The following KAZN variants were observed in gnomAD, a reference collection of about 807,000 sequenced individuals.
The protein encoded by KAZN is kazrin, periplakin interacting protein.
A neutral mutation model predicts 87.4 loss-of-function variants in KAZN; 40 were observed. The ratio of observed to expected loss-of-function variants is 0.46; its 90% CI spans 0.36 to 0.60. The LOEUF is 0.60. Among genes scored for constraint, KAZN ranks in the 20% least tolerant of loss-of-function variants. The pLI is 0.00. For missense variants in KAZN, 898 were observed against 1,073.9 expected, an observed-to-expected ratio of 0.84 and a Z score of 2.29; for synonymous variants, 466 against 458.3, an observed-to-expected ratio of 1.02 and a Z score of -0.22.
intron 1 of KAZN, among the ~76,000 whole-genome samples, chr1:14,646,915 C>A (rs1680850953): frequency 6.6e-6 from 1 of 152,132 alleles, no homozygotes; most frequent in Admixed American, 6.6e-5. Flanking sequence ...GGACAGGGTT[C>A]CCCAGGGCAT....
chr1:14,591,178 C>T (rs531577422), intron 2 of KAZN, among the ~76,000 whole-genome samples: 3 of 152,000 alleles, frequency 2.0e-5, no homozygotes, highest in South Asian at 2.1e-4. Flanking sequence ...AGTGCCCCCC[C>T]CCCATGGACA....
chr1:15,041,331 C>CTTTT, intron 3 of KAZN, among the ~76,000 whole-genome samples: 1 of 114,136 alleles, frequency 8.8e-6, no homozygotes, highest in Non-Finnish European at 1.7e-5. Context: ...CATTTTTTTT[C>CTTTT]TTTTTTTTTT....
rs113525253 is a variant in KAZN at position 14,410,283 on chromosome 1, T to C, written c.250-188700T>C. Reference sequence around the variant, plus strand: ...GATGCCCAGCTAATCTTTGTATTTTTAGTAGAGACAGTTTCACCATGTTGG... The same window carrying C: ...GATGCCCAGCTAATCTTTGTATTTTCAGTAGAGACAGTTTCACCATGTTGG... On this transcript the variant is annotated intron_variant, in intron 2 of 16. Coordinates refer to the KAZN transcript ENST00000636203. Among the ~76,000 whole-genome samples, 1,148 of 152,284 alleles carry C rather than the reference T, an allele frequency of 7.5e-3. 10 individuals carry two copies. Among genetic ancestry groups the C allele is most frequent in the Non-Finnish European group, 0.011 (752 of 68,026 alleles).
At chr1:14,309,138 A>G (rs941421605) in intron 2 of KAZN, among the ~76,000 whole-genome samples, 2 of 152,168 alleles carry the variant, frequency 1.3e-5, no homozygotes, top group Non-Finnish European at 2.9e-5. Flanking sequence ...AGTTTCAGGA[A>G]TCTCAGAACA....
intron 1 of KAZN, among the ~76,000 whole-genome samples, chr1:14,004,551 T>C (rs1038680707): frequency 1.3e-5 from 2 of 152,098 alleles, no homozygotes; most frequent in Admixed American, 1.3e-4. Flanking sequence ...ACTGCAGCAA[T>C]GGGGTGCTTA....
chr1:14,946,283 T>C (rs143523926), intron 1 of KAZN: 196 of 151,342 alleles, frequency 1.3e-3, no homozygotes, highest in Non-Finnish European at 2.5e-3. Context: ...TGCCATTTGC[T>C]CAGACCCCAG....
intron 1 of KAZN, among the ~76,000 whole-genome samples, chr1:13,928,734 T>G (rs1640382293): frequency 6.6e-6 from 1 of 152,224 alleles, no homozygotes; most frequent in African/African-American, 2.4e-5. Flanking sequence ...AAAGAGTAAC[T>G]TCTAGGTAGG....
intron 2 of KAZN, among the ~76,000 whole-genome samples, chr1:15,019,641 G>A (rs988330521): frequency 3.9e-5 from 6 of 152,092 alleles, no homozygotes; most frequent in African/African-American, 7.2e-5. Context: ...CACCTGCCTC[G>A]GCCTCCCAAA....
Position 14,368,966 on chromosome 1 carries a change from T to C in KAZN, c.249+188374T>C, listed in dbSNP as rs540600017. The stretch of plus-strand genomic sequence containing the variant: ...AGGACCATTTCTGGTCCTGATCTTA[T>C]CCGGGTCACCTTTCTTTGGTCCACA... On this transcript the variant is annotated intron_variant, in intron 2 of 16. Coordinates refer to the KAZN transcript ENST00000636203. 2.0e-5 allele frequency among the ~76,000 whole-genome samples: 3 copies of C among 152,288 alleles called. No individual in the cohort carries two copies. In the South Asian group the frequency reaches 6.2e-4, roughly 32 times the overall value.
At chr1:14,611,242 G>C (rs1050247436) in intron 1 of KAZN, among the ~76,000 whole-genome samples, 1 of 152,184 alleles carries the variant, frequency 6.6e-6, no homozygotes, top group Non-Finnish European at 1.5e-5. Flanking sequence ...TCTGATCTCT[G>C]TTTCAATTCC....
chr1:14,456,529 T>C (rs1045862977), intron 2 of KAZN, among the ~76,000 whole-genome samples: 6 of 152,220 alleles, frequency 3.9e-5, no homozygotes, highest in Non-Finnish European at 7.3e-5. Context: ...CGTTGTATTA[T>C]AGATCTCACA....
At chr1:13,936,966 A>G (rs1303105509) in intron 1 of KAZN, among the ~76,000 whole-genome samples, 1 of 151,184 alleles carries the variant, frequency 6.6e-6, no homozygotes, top group Non-Finnish European at 1.5e-5. Context: ...GATGTTGAGC[A>G]TTTTTATGTA....
chr1:14,581,468 G>A (rs1675543344), intron 2 of KAZN, among the ~76,000 whole-genome samples: 1 of 152,084 alleles, frequency 6.6e-6, no homozygotes, highest in Non-Finnish European at 1.5e-5. Flanking sequence ...GCTAGATATG[G>A]CAACAGCTGC....
At chr1:14,743,327 G>A (rs967105042) in intron 1 of KAZN, among the ~76,000 whole-genome samples, 2 of 152,088 alleles carry the variant, frequency 1.3e-5, no homozygotes, top group African/African-American at 4.8e-5. Flanking sequence ...CTACTCTGGA[G>A]GCTGAGGCAG....
At chr1:14,542,328 A>G (rs963351992) in intron 2 of KAZN, among the ~76,000 whole-genome samples, 6 of 151,334 alleles carry the variant, frequency 4.0e-5, no homozygotes, top group Non-Finnish European at 7.4e-5. Context: ...TAGCATTAGG[A>G]GATATACCTA....
At chr1:14,255,137 AAAAG>A (rs1404936466) in intron 2 of KAZN, among the ~76,000 whole-genome samples, 5 of 128,036 alleles carry the variant, frequency 3.9e-5, no homozygotes, top group South Asian at 4.9e-4. Context: ...AAAAAAAAAA[AAAAG>A]AAGAAGAAGA....
At chr1:13,900,107 G>T (rs140261386) in intron 1 of KAZN, among the ~76,000 whole-genome samples, 1 of 152,072 alleles carries the variant, frequency 6.6e-6, no homozygotes, top group African/African-American at 2.4e-5. Context: ...GCAAAATTGC[G>T]GTTATGTTCA....
At chr1:14,969,566 C>G (rs968193438) in intron 2 of KAZN, among the ~76,000 whole-genome samples, 1 of 152,244 alleles carries the variant, frequency 6.6e-6, no homozygotes, top group Non-Finnish European at 1.5e-5. Flanking sequence ...AGAATGTCTT[C>G]CTTACATACT....
At chr1:14,543,761 G>A (rs1347320159) in intron 2 of KAZN, among the ~76,000 whole-genome samples, 1 of 152,144 alleles carries the variant, frequency 6.6e-6, no homozygotes, top group South Asian at 2.1e-4. Flanking sequence ...CGTATTATGA[G>A]TATTTCACAC....
Sources: gnomAD v4.1 joint callset for allele counts (sites outside exome capture counted in the v4.1 genomes callset) on GRCh38, gnomAD v4.1.1 for gene constraint, MANE v1.5 for transcripts, NCBI Gene and HGNC (gene_info 2026-07-23, HGNC 2026-07-21) for gene names.